Variants in VCAN observed in about 807,000 individuals in gnomAD.
VCAN encodes versican core protein.
A neutral mutation model predicts 245.5 loss-of-function variants in VCAN; 44 were observed. The ratio of observed to expected loss-of-function variants is 0.18; its 90% CI spans 0.14 to 0.23. The LOEUF (loss-of-function observed/expected upper bound fraction) is 0.23. VCAN is among the 10% of genes least tolerant of loss of function. The pLI is 1.00. For synonymous variants in VCAN, 1,413 were observed against 1,437.0 expected (o/e 0.98, Z 0.38); for missense variants, 3,793 against 4,057.9 (o/e 0.93, Z 1.77).
At chr5:83,548,997 GT>G (rs1385037978) in intron 10 of VCAN, among the ~76,000 whole-genome samples, 6 of 152,094 alleles carry the variant, frequency 3.9e-5, no homozygotes, top group African/African-American at 1.4e-4. Context: ...TTAGGTGTTG[GT>G]TTTTTTCTTT....
intron 2 of VCAN, among the ~76,000 whole-genome samples, chr5:83,485,962 G>A (rs1441087969): frequency 1.3e-5 from 2 of 152,030 alleles, no homozygotes; most frequent in African/African-American, 2.4e-5. Context: ...TTAGCCGGGG[G>A]TGGTGGCTTG....
intron 2 of VCAN, among the ~76,000 whole-genome samples, chr5:83,485,820 G>T (rs1387376276): frequency 6.6e-6 from 1 of 152,092 alleles, no homozygotes; most frequent in East Asian, 1.9e-4. Context: ...TCCTCCTTGG[G>T]TGGGTGCAGT....
intron 12 of VCAN, among the ~76,000 whole-genome samples, chr5:83,565,508 CTG>C (rs771394179): frequency 6.6e-6 from 1 of 151,870 alleles, no homozygotes; most frequent in Admixed American, 6.6e-5. Context: ...TATGAAAATT[CTG>C]TCTCTTTTTA....
intron 12 of VCAN, 58 bp downstream of exon 12, chr5:83,555,096 A>C: frequency 6.4e-7 from 1 of 1,567,048 alleles, no homozygotes; most frequent in Non-Finnish European, 8.8e-7. Flanking sequence ...GGTACTGTGC[A>C]CTGATTGTGC....
At chr5:83,543,857 C>A (rs568608936) in intron 8 of VCAN, among the ~76,000 whole-genome samples, 3 of 152,248 alleles carry the variant, frequency 2.0e-5, no homozygotes, top group African/African-American at 4.8e-5. Context: ...TATGGGATTA[C>A]CTGGTCTATC....
chr5:83,555,167 A>AAACAG, intron 12 of VCAN, 129 bp downstream of exon 12: 1 of 905,396 alleles, frequency 1.1e-6, no homozygotes, highest in South Asian at 1.4e-5. Context: ...TCACTCAGTG[A>AAACAG]AACAGAGAAG....
intron 11 of VCAN, among the ~76,000 whole-genome samples, chr5:83,553,740 C>T (rs1358893699): frequency 1.3e-5 from 2 of 152,226 alleles, no homozygotes; most frequent in Non-Finnish European, 2.9e-5. Flanking sequence ...TGTCTGCCAG[C>T]AGTAATAGTT....
Position 83,521,229 on chromosome 5 carries a change from C to T in VCAN, c.2923C>T (p.Leu975Phe), listed in dbSNP as rs1347292054. 6.2e-7 allele frequency: 1 copy of T among 1,614,058 alleles called. No homozygotes were observed. The highest frequency in any genetic ancestry group is 1.1e-5 in the South Asian group (1 of 91,084). ...TGTAGACTCTTCCCATACCATTCCT[C>T]TTTCTGTAATTCCCAAGACAGACTG... is the stretch of plus-strand genomic sequence containing the variant. Reference protein sequence around the residue: ...TYVDSSHTIPLSVIPKTDWGV... With the variant: ...TYVDSSHTIPFSVIPKTDWGV... The change falls in exon 7 of 15, where the codon CTT becomes TTT. Residue 975 changes from leucine to phenylalanine, a missense_variant. By Grantham distance (22) the Leu-to-Phe change is conservative. This residue lies in a region of VCAN where 3,182 missense variants were observed against 3,250.3 expected (regional missense o/e 0.98). Transcript: ENST00000265077.
intron 12 of VCAN, among the ~76,000 whole-genome samples, chr5:83,563,184 A>G (rs1008289636): frequency 1.3e-5 from 2 of 152,136 alleles, no homozygotes; most frequent in African/African-American, 4.8e-5. Context: ...TCGGTCAACG[A>G]ATTACCCTGT....
chr5:83,527,399 G>T (rs554464074), intron 7 of VCAN, among the ~76,000 whole-genome samples: 1 of 152,172 alleles, frequency 6.6e-6, no homozygotes, highest in Non-Finnish European at 1.5e-5. Context: ...TGTCAGAGAA[G>T]CACATTTTTC....
At chr5:83,529,750 C>T (rs967203261) in intron 7 of VCAN, among the ~76,000 whole-genome samples, 10 of 152,224 alleles carry the variant, frequency 6.6e-5, no homozygotes, top group Middle Eastern at 3.4e-3. Flanking sequence ...TGAGTGATTG[C>T]CACATGCAAG....
chr5:83,490,452 C>G lies in VCAN; in HGVS notation c.425C>G (p.Thr142Arg). Residue 142 changes from threonine to arginine, a missense_variant, in exon 3 of 15, where the codon ACG becomes AGG. Physicochemically the swap from Thr to Arg is moderately conservative, Grantham distance 71. Transcript: ENST00000265077. ...TACGGGATTGAAGACACACAAGACA[C>G]GGTGTCACTGACTGTGGATGGTAAG... ...VMYGIEDTQD[T>R]VSLTVDGVVF... The G allele has an allele frequency of 1.2e-6, 2 of 1,614,058 alleles. No homozygotes were observed. Among genetic ancestry groups the G allele is most frequent in the East Asian group, 2.2e-5 (1 of 44,876 alleles).
rs1347513192 is a variant in VCAN at position 83,489,796 on chromosome 5, A to G, written c.71-302A>G. 2.3e-5 allele frequency among the ~76,000 whole-genome samples: 3 copies of G among 130,520 alleles called. No individual in the cohort carries two copies. The South Asian group carries it at 7.3e-4, about 32-fold the overall frequency. 85.6% of individuals were successfully genotyped at this position (130,520 alleles called of 152,430 possible). On this transcript the variant is annotated intron_variant, in intron 2 of 14. Coordinates refer to ENST00000265077, the MANE Select transcript of VCAN (RefSeq NM_004385.5). Reference sequence around the variant, plus strand: ...GCCCTTCTTTGCCCTTAATTGCTTGACCTCTTATGCTTGCCTTTTTTTTTT... The same window carrying G: ...GCCCTTCTTTGCCCTTAATTGCTTGGCCTCTTATGCTTGCCTTTTTTTTTT...
At chr5:83,557,590 C>G (rs1747722129) in intron 12 of VCAN, among the ~76,000 whole-genome samples, 1 of 152,052 alleles carries the variant, frequency 6.6e-6, no homozygotes, top group African/African-American at 2.4e-5. Flanking sequence ...TTGTCTGTGT[C>G]CATTAATTTT....
chr5:83,511,463 C>T (rs532954370), intron 5 of VCAN, among the ~76,000 whole-genome samples: 3 of 152,074 alleles, frequency 2.0e-5, no homozygotes, highest in Admixed American at 2.0e-4. Context: ...CAGGCCGCGA[C>T]CTTCGTAACC....
In VCAN at chr5:83,547,959, A is replaced by G. The variant is rs369877009; in HGVS notation, c.9380-12A>G. The G allele has an allele frequency of 1.3e-5, 21 of 1,586,408 alleles. No individual in the cohort carries two copies. In the South Asian group the frequency reaches 2.0e-4, roughly 15 times the overall value. ...TGAAAGTATTTTGTGAGCTTTTACT[A>G]TTTTGTTTCAGATTTTGATGAATGT... On this transcript the variant is annotated splice_polypyrimidine_tract_variant and intron_variant, in intron 9 of 14. Coordinates refer to ENST00000265077, the MANE Select transcript of VCAN (RefSeq NM_004385.5).
intron 12 of VCAN, among the ~76,000 whole-genome samples, chr5:83,566,641 A>G (rs1748087598): frequency 6.6e-6 from 1 of 152,130 alleles, no homozygotes; most frequent in Admixed American, 6.5e-5. Context: ...AGAACTGGGA[A>G]GGAGAGAAAT....
chr5:83,476,898 C>T (rs1580591027), intron 1 of VCAN, among the ~76,000 whole-genome samples: 1 of 152,034 alleles, frequency 6.6e-6, no homozygotes, highest in African/African-American at 2.4e-5. Flanking sequence ...TACATCCTAC[C>T]TCATTCTTCT....
At chr5:83,480,747 A>T (rs1463065524) in intron 1 of VCAN, among the ~76,000 whole-genome samples, 1 of 152,210 alleles carries the variant, frequency 6.6e-6, no homozygotes, top group Non-Finnish European at 1.5e-5. Context: ...TTATAGGATG[A>T]TTTATTCCAA....
Sources: allele counts gnomAD v4.1 joint callset (sites outside exome capture counted in the v4.1 genomes callset), GRCh38; gene constraint gnomAD v4.1.1; regional missense constraint gnomAD v4.1.1; transcripts MANE v1.5; gene names NCBI Gene and HGNC (gene_info 2026-07-23, HGNC 2026-07-21).